METTL15: variants seen among roughly 807,000 people sequenced by gnomAD.
METTL15 encodes the protein 12S rRNA N(4)-cytidine methyltransferase METTL15.
Under a neutral mutation model 38.3 loss-of-function variants are expected in METTL15, and 34 were observed. The observed-to-expected ratio is 0.89, with a 90% CI of 0.68 to 1.18. The LOEUF is 1.18. Ranked by LOEUF, METTL15 falls within the 50% of genes most tolerant of loss-of-function variation. The probability of loss-of-function intolerance (pLI) is 0.00; values close to 1 mark genes in which losing one functional copy is unlikely to be tolerated. For synonymous variants in METTL15, 162 were observed against 170.9 expected (o/e 0.95, Z 0.41); for missense variants, 438 against 498.4 (o/e 0.88, Z 1.15).
intron 4 of METTL15, among the ~76,000 whole-genome samples, chr11:28,273,615 T>C (rs1855730876): frequency 1.3e-5 from 2 of 152,064 alleles, no homozygotes; most frequent in African/African-American, 4.8e-5. Flanking sequence ...ATATATTTTG[T>C]ACCTAAAATT....
chr11:28,129,127 C>T (rs965988868), intron 3 of METTL15, among the ~76,000 whole-genome samples: 1 of 152,146 alleles, frequency 6.6e-6, no homozygotes, highest in Non-Finnish European at 1.5e-5. Context: ...AACATATTCT[C>T]AAGGTTAGCT....
intron 5 of METTL15, among the ~76,000 whole-genome samples, chr11:28,388,099 G>C (rs1850460320): frequency 6.6e-6 from 1 of 152,036 alleles, no homozygotes; most frequent in Admixed American, 6.6e-5. Flanking sequence ...CATAATAGTG[G>C]TGAAAAACTA....
intron 4 of METTL15, among the ~76,000 whole-genome samples, chr11:28,251,284 A>C (rs1054839744): frequency 6.6e-6 from 1 of 152,082 alleles, no homozygotes; most frequent in Non-Finnish European, 1.5e-5. Context: ...TTGCTAAACA[A>C]GAAACATGCT....
chr11:28,270,285 AC>A (rs1395169439), intron 4 of METTL15, among the ~76,000 whole-genome samples: 2 of 152,156 alleles, frequency 1.3e-5, no homozygotes, highest in Non-Finnish European at 2.9e-5. Context: ...ATCATGGACA[AC>A]ATGTTGTTTT....
At position 28,193,693 on chromosome 11, in the gene METTL15, G is replaced by A. The variant is rs201391792; in HGVS notation, c.271-17369G>A. On this transcript the variant is annotated intron_variant, in intron 3 of 6. Transcript: ENST00000407364. ...CTCCAAAGGTTTATCTGTGTGTACC[G>A]AAAATCATATCATTAGCTATTTTCA... is the stretch of plus-strand genomic sequence containing the variant. Among the ~76,000 whole-genome samples the A allele has an allele frequency of 1.1e-4, 16 of 152,050 alleles. No individual in the cohort carries two copies. The East Asian group carries it at 1.4e-3, about 13-fold the overall frequency.
At chr11:28,286,818 A>G (rs1003284042) in intron 4 of METTL15, among the ~76,000 whole-genome samples, 6 of 151,998 alleles carry the variant, frequency 3.9e-5, no homozygotes, top group Admixed American at 3.9e-4. Context: ...AATATCAAAT[A>G]GTACCTGAGA....
intron 3 of METTL15, among the ~76,000 whole-genome samples, chr11:28,345,007 C>A (rs1849984450): frequency 6.6e-6 from 1 of 151,982 alleles, no homozygotes; most frequent in Admixed American, 6.6e-5. Context: ...AGTTCAATAT[C>A]CAGTGTTTAT....
chr11:28,335,946 A>G (rs1359890043), downstream of METTL15, among the ~76,000 whole-genome samples: 1 of 152,180 alleles, frequency 6.6e-6, no homozygotes, highest in Non-Finnish European at 1.5e-5. Context: ...AGCAGTTAGC[A>G]CAGTTCTGGA....
chr11:28,384,126 C>T (rs1590354612), intron 5 of METTL15, among the ~76,000 whole-genome samples: 1 of 152,180 alleles, frequency 6.6e-6, no homozygotes, highest in South Asian at 2.1e-4. Context: ...TATGTCCCTG[C>T]AATGGATAAG....
In METTL15 at chr11:28,261,387, A is replaced by G. The variant is rs909597792; in HGVS notation, c.408-28819A>G. ...GGAAAATTGTCGTCTTTGACTAAGT[A>G]TACAGATCTAGGTGGGACACACATG... On this transcript the variant is annotated intron_variant, in intron 4 of 6. Transcript: ENST00000407364. 3.9e-5 allele frequency: 6 copies of G among 153,804 alleles called. No individual in the cohort carries two copies. The South Asian group carries it at 8.3e-4, about 21-fold the overall frequency. The allele number at this position is 153,804 out of a possible 1,614,324, so 9.5% of individuals were successfully genotyped here. A position where few individuals can be genotyped will look rare whatever the true frequency, so the allele number is the denominator to read the frequency against.
At position 28,521,888 on chromosome 11, in the gene METTL15, G is replaced by C. The variant is rs546357789; in HGVS notation, c.*425-4590G>C. Among the ~76,000 whole-genome samples the C allele has an allele frequency of 1.8e-3, 281 of 152,118 alleles. 1 individual carries two copies. Among genetic ancestry groups the C allele is most frequent in the African/African-American group, 6.4e-3 (264 of 41,494 alleles). ...AGGTGATCCTCTGTTACTCACCTTG[G>C]GGGTAATGTGCTGTTCCTTGTAGTT... On this transcript the variant is annotated intron_variant and NMD_transcript_variant, in intron 6 of 7. Transcript: ENST00000532947.
intron 3 of METTL15, among the ~76,000 whole-genome samples, chr11:28,143,387 C>G (rs895249524): frequency 2.0e-5 from 3 of 152,182 alleles, no homozygotes; most frequent in Non-Finnish European, 4.4e-5. Context: ...TAATTCCCAG[C>G]AGTACTCTCT....
At chr11:28,313,126 G>A (rs1041222568) in intron 6 of METTL15, among the ~76,000 whole-genome samples, 1 of 151,982 alleles carries the variant, frequency 6.6e-6, no homozygotes, top group South Asian at 2.1e-4. Flanking sequence ...CCATTTACTA[G>A]CTTTGTGAAC....
chr11:28,372,347 C>T (rs1413656676), intron 5 of METTL15, among the ~76,000 whole-genome samples: 1 of 151,400 alleles, frequency 6.6e-6, no homozygotes, highest in Non-Finnish European at 1.5e-5. Flanking sequence ...GGTGAATGAT[C>T]TTTTAAAACT....
At chr11:28,433,518 T>C (rs1850954901) in intron 6 of METTL15, among the ~76,000 whole-genome samples, 1 of 152,198 alleles carries the variant, frequency 6.6e-6, no homozygotes, top group Non-Finnish European at 1.5e-5. Context: ...AGTTCCTGTT[T>C]TCCAAGGATA....
intron 3 of METTL15, among the ~76,000 whole-genome samples, chr11:28,210,383 G>A (rs1328310760): frequency 1.3e-5 from 2 of 151,286 alleles, no homozygotes; most frequent in African/African-American, 2.4e-5. Context: ...TTTTTTAACC[G>A]CTGAAGACAC....
At chr11:28,382,196 T>C (rs1850393615) in intron 5 of METTL15, among the ~76,000 whole-genome samples, 1 of 152,194 alleles carries the variant, frequency 6.6e-6, no homozygotes, top group Non-Finnish European at 1.5e-5. Flanking sequence ...GGGTTCTTGC[T>C]GAGGGAACAT....
chr11:28,291,567 T>C (rs1050011146), intron 5 of METTL15, among the ~76,000 whole-genome samples: 3 of 152,140 alleles, frequency 2.0e-5, no homozygotes, highest in African/African-American at 7.2e-5. Flanking sequence ...TTAACTTGGC[T>C]TGTGACCTGT....
intron 4 of METTL15, among the ~76,000 whole-genome samples, chr11:28,238,314 G>A (rs959568678): frequency 1.3e-5 from 2 of 152,116 alleles, no homozygotes; most frequent in African/African-American, 4.8e-5. Context: ...GCAATGGTGG[G>A]CGCCCCTCCC....
Sources: allele counts gnomAD v4.1 joint callset (sites outside exome capture counted in the v4.1 genomes callset), GRCh38; gene constraint gnomAD v4.1.1; transcripts MANE v1.5; gene names NCBI Gene and HGNC (gene_info 2026-07-23, HGNC 2026-07-21).